The following RERE variants were observed in gnomAD, a reference collection of about 807,000 sequenced individuals.
RERE encodes arginine-glutamic acid dipeptide repeats, also known as arginine-glutamic acid dipeptide repeats protein.
RERE carries 40 observed loss-of-function variants against 146.1 expected under a neutral mutation model. That is an observed-to-expected ratio of 0.27 (90% CI 0.21 to 0.36). RERE has a LOEUF of 0.36. RERE is among the 10% of genes least tolerant of loss of function. The probability of loss-of-function intolerance (pLI) is 1.00; values close to 1 mark genes in which losing one functional copy is unlikely to be tolerated. For missense variants in RERE, 1,933 were observed against 2,138.7 expected, an observed-to-expected ratio of 0.90 and a Z score of 1.90; for synonymous variants, 1,003 against 866.0, an observed-to-expected ratio of 1.16 and a Z score of -2.78.
At chr1:8,402,478 A>C (rs1421122414) in intron 12 of RERE, among the ~76,000 whole-genome samples, 1 of 152,174 alleles carries the variant, frequency 6.6e-6, no homozygotes, top group Non-Finnish European at 1.5e-5. Context: ...TAAACAGAAC[A>C]AAAAGGTTGG....
At chr1:8,498,945 G>A (rs1056790940) in intron 8 of RERE, among the ~76,000 whole-genome samples, 3 of 152,006 alleles carry the variant, frequency 2.0e-5, no homozygotes, top group African/African-American at 4.8e-5. Flanking sequence ...ACAATTCGCT[G>A]TACATAGAGT....
intron 4 of RERE, among the ~76,000 whole-genome samples, chr1:8,605,871 G>A (rs1334490210): frequency 7.6e-5 from 4 of 52,504 alleles, no homozygotes; most frequent in Admixed American, 5.7e-4. Context: ...TTGAGACAGC[G>A]TCTCACTCTG....
chr1:8,501,252 G>T (rs1457900740), intron 8 of RERE, among the ~76,000 whole-genome samples: 1 of 141,530 alleles, frequency 7.1e-6, no homozygotes, highest in Non-Finnish European at 1.6e-5. Flanking sequence ...TCCGGGAGGT[G>T]AGGGGCGCCT....
chr1:8,380,541 G>T (rs907033280), intron 12 of RERE, among the ~76,000 whole-genome samples: 27 of 152,038 alleles, frequency 1.8e-4, no homozygotes, highest in African/African-American at 6.3e-4. Flanking sequence ...TAGGGATGGC[G>T]TTTCACCATG....
At chr1:8,752,736 T>A (rs1640563885) in intron 1 of RERE, among the ~76,000 whole-genome samples, 1 of 152,100 alleles carries the variant, frequency 6.6e-6, no homozygotes. Flanking sequence ...CAAAAGAAAT[T>A]AAAGGAAACT....
chr1:8,674,463 A>C (rs916968372), intron 1 of RERE, among the ~76,000 whole-genome samples: 3 of 152,208 alleles, frequency 2.0e-5, no homozygotes, highest in African/African-American at 7.2e-5. Context: ...TGATAACACC[A>C]AGCAGGACTG....
intron 2 of RERE, among the ~76,000 whole-genome samples, chr1:8,649,960 G>A (rs370780172): frequency 2.6e-5 from 4 of 152,082 alleles, no homozygotes; most frequent in Admixed American, 6.6e-5. Context: ...GACTAACCTG[G>A]GAGAAAGGCA....
chr1:8,382,774 A>T (rs1321687324), intron 12 of RERE, among the ~76,000 whole-genome samples: 1 of 152,120 alleles, frequency 6.6e-6, no homozygotes, highest in Non-Finnish European at 1.5e-5. Context: ...ATGGAGAAAA[A>T]CCACCACAGG....
chr1:8,501,145 G>C (rs1293373429), intron 8 of RERE, among the ~76,000 whole-genome samples: 5 of 144,356 alleles, frequency 3.5e-5, no homozygotes, highest in African/African-American at 1.3e-4. Context: ...CCGGCCAGCT[G>C]CCCCGTCCGG....
At chr1:8,653,039 G>A (rs1462565091) in intron 2 of RERE, among the ~76,000 whole-genome samples, 1 of 152,132 alleles carries the variant, frequency 6.6e-6, no homozygotes, top group Non-Finnish European at 1.5e-5. Flanking sequence ...TCTATTTTTA[G>A]GGAGATACTC....
intron 10 of RERE, among the ~76,000 whole-genome samples, chr1:8,489,432 A>G (rs1644947315): frequency 6.6e-6 from 1 of 152,238 alleles, no homozygotes; most frequent in Non-Finnish European, 1.5e-5. Context: ...ATAATTCCCA[A>G]TACATATATC....
At chr1:8,615,060 TG>T (rs1356206224) in intron 3 of RERE, among the ~76,000 whole-genome samples, 8 of 152,124 alleles carry the variant, frequency 5.3e-5, no homozygotes, top group Admixed American at 3.3e-4. Flanking sequence ...AACCGTAAAA[TG>T]AATCACAAGT....
At chr1:8,775,601 A>T (rs902300494) in intron 1 of RERE, among the ~76,000 whole-genome samples, 8 of 152,078 alleles carry the variant, frequency 5.3e-5, no homozygotes, top group Middle Eastern at 3.2e-3. Context: ...TAAACAAATA[A>T]ATCAACTTTT....
Position 8,732,621 on chromosome 1 carries a change from T to G in RERE, c.-144-76180A>C, listed in dbSNP as rs372273335. Among the ~76,000 whole-genome samples, 177 of 152,210 alleles carry G rather than the reference T, an allele frequency of 1.2e-3. 1 individual carries two copies. The highest frequency in any genetic ancestry group is 4.1e-3 in the African/African-American group (169 of 41,530). On this transcript the variant is annotated intron_variant, in intron 1 of 22. Coordinates refer to ENST00000400908, the MANE Select transcript of RERE (RefSeq NM_001042681.2). The stretch of plus-strand genomic sequence containing the variant: ...TACGTTTCTGTCAAACCCCACAGAA[T>G]GTACAACACAAAGAGTGAATCTTAA...
intron 7 of RERE, among the ~76,000 whole-genome samples, chr1:8,515,587 T>C (rs941159149): frequency 6.6e-6 from 1 of 152,062 alleles, no homozygotes; most frequent in Admixed American, 6.6e-5. Context: ...GCCAAGATCA[T>C]GCTACTACAC....
At chr1:8,794,126 G>A (rs1201904484) in intron 1 of RERE, among the ~76,000 whole-genome samples, 1 of 150,866 alleles carries the variant, frequency 6.6e-6, no homozygotes, top group African/African-American at 2.4e-5. Context: ...GGCTGGGCGC[G>A]GTGGCTCATG....
At chr1:8,489,776 C>T (rs1266609749) in intron 10 of RERE, among the ~76,000 whole-genome samples, 3 of 152,122 alleles carry the variant, frequency 2.0e-5, no homozygotes, top group East Asian at 3.8e-4. Context: ...GTAGGCCGGG[C>T]GCAGTGGCTC....
At chr1:8,803,250 G>C (rs1214565127) in intron 1 of RERE, among the ~76,000 whole-genome samples, 1 of 151,920 alleles carries the variant, frequency 6.6e-6, no homozygotes, top group African/African-American at 2.4e-5. Context: ...GGCCGAGGCG[G>C]GAGGATCACG....
chr1:8,761,757 C>T (rs1357686714), intron 1 of RERE, among the ~76,000 whole-genome samples: 2 of 151,912 alleles, frequency 1.3e-5, no homozygotes, highest in African/African-American at 2.4e-5. Flanking sequence ...CCCGTCTCTA[C>T]TAAAAATACA....
Sources: gnomAD v4.1 joint callset for allele counts (sites outside exome capture counted in the v4.1 genomes callset) on GRCh38, gnomAD v4.1.1 for gene constraint, MANE v1.5 for transcripts, NCBI Gene and HGNC (gene_info 2026-07-23, HGNC 2026-07-21) for gene names.